Variants in CCDC102B observed in about 807,000 individuals in gnomAD.
CCDC102B encodes the protein coiled-coil domain-containing protein 102B.
CCDC102B carries 75 observed loss-of-function variants against 57.4 expected under a neutral mutation model. That is an observed-to-expected ratio of 1.31 (90% CI 1.08 to 1.58). The LOEUF (loss-of-function observed/expected upper bound fraction) is 1.58. Among genes scored for constraint, CCDC102B ranks in the 40% most tolerant of loss-of-function variants. The probability of loss-of-function intolerance (pLI) is 0.00; values close to 1 mark genes in which losing one functional copy is unlikely to be tolerated. For missense variants in CCDC102B, 636 were observed against 582.6 expected (o/e 1.09, Z -0.94); for synonymous variants, 206 against 201.9 (o/e 1.02, Z -0.17).
At chr18:68,979,889 G>T (rs762232318) in intron 6 of CCDC102B, among the ~76,000 whole-genome samples, 1 of 152,030 alleles carries the variant, frequency 6.6e-6, no homozygotes, top group African/African-American at 2.4e-5. Flanking sequence ...GAGGTCAGGA[G>T]GCTGGTTAGG....
At chr18:69,017,099 T>A (rs1377449021) in intron 7 of CCDC102B, among the ~76,000 whole-genome samples, 4 of 152,138 alleles carry the variant, frequency 2.6e-5, no homozygotes, top group Non-Finnish European at 5.9e-5. Context: ...GTTTCTTTTT[T>A]AATTAATTAT....
intron 6 of CCDC102B, among the ~76,000 whole-genome samples, chr18:68,999,082 G>C (rs540391293): frequency 6.6e-6 from 1 of 150,650 alleles, no homozygotes; most frequent in Non-Finnish European, 1.5e-5. Flanking sequence ...TTGAGTTAGT[G>C]ATGTGGTTGG....
chr18:68,962,123 G>A (rs1418526210), intron 6 of CCDC102B, among the ~76,000 whole-genome samples: 2 of 152,012 alleles, frequency 1.3e-5, no homozygotes, highest in African/African-American at 4.8e-5. Flanking sequence ...CTAATGTATT[G>A]TAGCATATAT....
At chr18:69,035,612 A>T (rs1033429836) in intron 7 of CCDC102B, among the ~76,000 whole-genome samples, 5 of 152,098 alleles carry the variant, frequency 3.3e-5, no homozygotes, top group African/African-American at 1.2e-4. Context: ...CTCAAAAGAC[A>T]ACTGCTTTCT....
upstream of CCDC102B, among the ~76,000 whole-genome samples, chr18:68,796,924 T>C (rs142561042): frequency 9.4e-4 from 143 of 152,086 alleles, no homozygotes; most frequent in African/African-American, 3.1e-3. Context: ...ATAAAATTCT[T>C]GGCTGGAGAA....
chr18:68,967,067 T>G (rs1198958636), intron 6 of CCDC102B, among the ~76,000 whole-genome samples: 3 of 152,134 alleles, frequency 2.0e-5, no homozygotes, highest in African/African-American at 7.2e-5. Flanking sequence ...TGTTAACACC[T>G]CCTAGAGTTT....
chr18:68,934,256 ATT>A (rs1203781218), intron 6 of CCDC102B, among the ~76,000 whole-genome samples: 1 of 151,946 alleles, frequency 6.6e-6, no homozygotes, highest in Non-Finnish European at 1.5e-5. Flanking sequence ...CTCTATGAAG[ATT>A]CATCTTGGGG....
chr18:69,050,271 C>T (rs938622690), intron 7 of CCDC102B, among the ~76,000 whole-genome samples: 5 of 152,170 alleles, frequency 3.3e-5, no homozygotes, highest in Admixed American at 2.6e-4. Context: ...GATGCTCACG[C>T]GTATCACCCT....
intron 5 of CCDC102B, among the ~76,000 whole-genome samples, chr18:68,886,156 G>A (rs1177521385): frequency 1.3e-5 from 2 of 151,784 alleles, no homozygotes; most frequent in Non-Finnish European, 2.9e-5. Context: ...ATAAATAAGG[G>A]AGGAGTAAGT....
intron 6 of CCDC102B, among the ~76,000 whole-genome samples, chr18:68,934,541 GC>G (rs1418796838): frequency 1.3e-5 from 2 of 151,874 alleles, no homozygotes; most frequent in African/African-American, 4.8e-5. Flanking sequence ...TTTAAGTTTG[GC>G]CCAGGTATTT....
intron 5 of CCDC102B, among the ~76,000 whole-genome samples, chr18:68,877,907 G>C (rs2039512751): frequency 6.6e-6 from 1 of 152,134 alleles, no homozygotes; most frequent in African/African-American, 2.4e-5. Flanking sequence ...ATAGTGCGTG[G>C]CTCGTAATCA....
At chr18:68,932,035 A>G (rs2041691165) in intron 6 of CCDC102B, among the ~76,000 whole-genome samples, 1 of 151,930 alleles carries the variant, frequency 6.6e-6, no homozygotes, top group Non-Finnish European at 1.5e-5. Flanking sequence ...GTGAATGTTT[A>G]CTGAACTGTT....
chr18:68,916,405 GT>G (rs1236652682), intron 6 of CCDC102B, among the ~76,000 whole-genome samples: 1 of 152,184 alleles, frequency 6.6e-6, no homozygotes, highest in Non-Finnish European at 1.5e-5. Context: ...GAGTGAGAAA[GT>G]TTCCCACAGA....
At chr18:68,999,121 A>G (rs891570364) in intron 6 of CCDC102B, among the ~76,000 whole-genome samples, 1 of 151,796 alleles carries the variant, frequency 6.6e-6, no homozygotes, top group Non-Finnish European at 1.5e-5. Context: ...TGCTTTTGAC[A>G]TGAGAAGTTT....
At chr18:68,755,436 C>G (rs983795143) in intron 2 of CCDC102B, among the ~76,000 whole-genome samples, 1 of 152,034 alleles carries the variant, frequency 6.6e-6, no homozygotes, top group Non-Finnish European at 1.5e-5. Context: ...AAATTCCATG[C>G]TTCAAAAGAA....
chr18:69,007,023 T>C (rs1200796162), intron 6 of CCDC102B, among the ~76,000 whole-genome samples: 1 of 152,188 alleles, frequency 6.6e-6, no homozygotes, highest in Admixed American at 6.5e-5. Context: ...AGAGAGAAGG[T>C]ATGTGAAGAA....
chr18:68,720,566 AAAG>A (rs1371017821), intron 2 of CCDC102B, among the ~76,000 whole-genome samples: 1 of 152,216 alleles, frequency 6.6e-6, no homozygotes, highest in African/African-American at 2.4e-5. Context: ...ACCCTTATAG[AAAG>A]AAGAAGCTAG....
chr18:68,839,330 A>C (rs2037521165), intron 3 of CCDC102B, among the ~76,000 whole-genome samples: 1 of 152,234 alleles, frequency 6.6e-6, no homozygotes, highest in Admixed American at 6.5e-5. Context: ...TATTTATTAC[A>C]GAAAAAGTAG....
chr18:68,783,535 A>G (rs2035076896), intron 2 of CCDC102B, among the ~76,000 whole-genome samples: 1 of 152,176 alleles, frequency 6.6e-6, no homozygotes, highest in Non-Finnish European at 1.5e-5. Flanking sequence ...CTGATGGTTT[A>G]TACCTCATTG....
Sources: allele counts gnomAD v4.1 joint callset (sites outside exome capture counted in the v4.1 genomes callset), GRCh38; gene constraint gnomAD v4.1.1; transcripts MANE v1.5; gene names NCBI Gene and HGNC (gene_info 2026-07-23, HGNC 2026-07-21).